OTUD6B: variants seen among roughly 807,000 people sequenced by gnomAD.
OTUD6B encodes the protein deubiquitinase OTUD6B.
In OTUD6B, 41 loss-of-function variants were observed where a neutral mutation model predicts 36.9. The observed-to-expected ratio is 1.11, with a 90% CI of 0.87 to 1.44. The LOEUF is 1.44. Among genes scored for constraint, OTUD6B ranks in the 40% most tolerant of loss-of-function variants. OTUD6B has a pLI of 0.00. For synonymous variants in OTUD6B, 114 were observed against 114.2 expected (o/e 1.00, Z 0.01); for missense variants, 356 against 344.8 (o/e 1.03, Z -0.26).
intron 4 of OTUD6B, among the ~76,000 whole-genome samples, chr8:91,080,278 A>T (rs1485781700): frequency 6.6e-6 from 1 of 152,128 alleles, no homozygotes; most frequent in Non-Finnish European, 1.5e-5. Flanking sequence ...TTATACAGGA[A>T]CTACATTTTT....
At chr8:91,076,421 G>T in intron 3 of OTUD6B, 1 of 979,248 alleles carries the variant, frequency 1.0e-6, no homozygotes, top group Non-Finnish European at 1.2e-6. Flanking sequence ...AAACTCAATT[G>T]CTTTGTTCTA....
At chr8:91,072,881 A>T (rs1454347651) in intron 2 of OTUD6B, among the ~76,000 whole-genome samples, 1 of 152,226 alleles carries the variant, frequency 6.6e-6, no homozygotes, top group Non-Finnish European at 1.5e-5. Flanking sequence ...TGAACTATTT[A>T]TCTGTTTCAT....
chr8:91,077,257 C>T (rs571121065), intron 3 of OTUD6B, among the ~76,000 whole-genome samples: 2 of 152,070 alleles, frequency 1.3e-5, no homozygotes, highest in African/African-American at 2.4e-5. Context: ...CACATACACA[C>T]ACCCCAAAAT....
At chr8:91,077,546 A>G (rs1169287989) in intron 3 of OTUD6B, among the ~76,000 whole-genome samples, 3 of 151,472 alleles carry the variant, frequency 2.0e-5, no homozygotes, top group Non-Finnish European at 4.4e-5. Context: ...AACCTTCCCT[A>G]TACACCTCCT....
intron 2 of OTUD6B, among the ~76,000 whole-genome samples, chr8:91,073,447 G>A (rs928827355): frequency 2.6e-5 from 4 of 152,176 alleles, no homozygotes; most frequent in African/African-American, 9.7e-5. Flanking sequence ...AAAGGCCTCT[G>A]CTGCCAGTAG....
chr8:91,080,236 G>A (rs934514129), intron 4 of OTUD6B, among the ~76,000 whole-genome samples: 3 of 152,024 alleles, frequency 2.0e-5, no homozygotes, highest in African/African-American at 4.8e-5. Context: ...AATTCTCTTC[G>A]TATATTTCCC....
intron 6 of OTUD6B, 111 bp from the exon 7 acceptor site, chr8:91,084,673 G>A (rs1055042165): frequency 4.4e-6 from 5 of 1,143,724 alleles, no homozygotes; most frequent in Non-Finnish European, 5.6e-6. Context: ...TGAAACCCAT[G>A]TGGACTGAGT....
intron 2 of OTUD6B, 35 bp downstream of exon 2, chr8:91,071,324 A>G (rs778553537): frequency 1.3e-6 from 2 of 1,525,248 alleles, no homozygotes; most frequent in Non-Finnish European, 1.8e-6. Flanking sequence ...TGCCTACACC[A>G]TTTGAAAACA....
chr8:91,076,989 A>G (rs1260090329), intron 3 of OTUD6B, among the ~76,000 whole-genome samples: 2 of 152,096 alleles, frequency 1.3e-5, no homozygotes, highest in East Asian at 1.9e-4. Flanking sequence ...GTACAGGTAC[A>G]TGACAATAAG....
intron 1 of OTUD6B, 119 bp from the exon 2 acceptor site, chr8:91,071,019 C>G: frequency 1.4e-6 from 2 of 1,467,864 alleles, no homozygotes; most frequent in Non-Finnish European, 1.8e-6. Context: ...CGTGATGACT[C>G]TTTCTTCCAT....
intron 3 of OTUD6B, among the ~76,000 whole-genome samples, chr8:91,077,635 T>G (rs1344523004): frequency 1.3e-5 from 2 of 152,008 alleles, no homozygotes; most frequent in Non-Finnish European, 2.9e-5. Flanking sequence ...GAGGAGCTTA[T>G]CAGACATTTG....
At chr8:91,072,140 G>A (rs1000181339) in intron 2 of OTUD6B, among the ~76,000 whole-genome samples, 4 of 152,050 alleles carry the variant, frequency 2.6e-5, no homozygotes, top group African/African-American at 4.8e-5. Flanking sequence ...TTTATCGTTG[G>A]ATCTAATATA....
At chr8:91,077,782 G>T (rs571995178) in intron 3 of OTUD6B, among the ~76,000 whole-genome samples, 2 of 152,122 alleles carry the variant, frequency 1.3e-5, no homozygotes, top group South Asian at 4.1e-4. Flanking sequence ...AACCTCTAGA[G>T]CAAGCACTGG....
At position 91,073,863 on chromosome 8, in the gene OTUD6B, G is replaced by C; in HGVS notation, c.267G>C (p.Leu89Phe). Reference protein sequence around the residue: ...IDSVAVNISNLVLENQPPRIS... With the variant: ...IDSVAVNISNFVLENQPPRIS... ...CTGTTGCTGTTAACATTTCAAACTT[G>C]GTGCTTGAGAATCAGCCACCTCGGA... The change falls in exon 3 of 7, where the codon TTG (leucine) becomes TTC (phenylalanine). Residue 89 changes from leucine to phenylalanine, a missense_variant. By Grantham distance (22) the Leu-to-Phe change is conservative (BLOSUM62 0). Transcript: ENST00000404789. 6.3e-7 allele frequency: 1 copy of C among 1,593,022 alleles called. No homozygotes were observed. Among genetic ancestry groups the C allele is most frequent in the East Asian group, 2.3e-5 (1 of 44,336 alleles).
intron 3 of OTUD6B, 118 bp downstream of exon 3, chr8:91,074,029 T>A: frequency 1.7e-6 from 1 of 597,758 alleles, no homozygotes; most frequent in Non-Finnish European, 2.9e-6. Flanking sequence ...CAGTTCCTTG[T>A]CTAGGCACTT....
In OTUD6B at chr8:91,084,803, G is replaced by A. The variant is rs1182095737; in HGVS notation, c.817G>A (p.Gly273Ser). The part of the protein sequence containing the change: ...LILVYMRHAY[G>S]LGEHYNSVTR... ...TTTCAGATATATGAGACATGCATAT[G>A]GCTTAGGAGAACATTATAATTCGGT... is the stretch of plus-strand genomic sequence containing the variant. Residue 273 changes from glycine (G) to serine (S), a missense_variant, in exon 7 of 7, where the codon GGC becomes AGC. Gly to Ser is a moderately conservative substitution (Grantham distance 56). Transcript: ENST00000404789. 1 of 1,572,612 alleles carries A rather than the reference G, an allele frequency of 6.4e-7. No individual in the cohort carries two copies. Among genetic ancestry groups the A allele is most frequent in the Non-Finnish European group, 8.6e-7 (1 of 1,156,428 alleles).
chr8:91,075,517 C>G (rs575216689), intron 3 of OTUD6B, among the ~76,000 whole-genome samples: 1 of 152,130 alleles, frequency 6.6e-6, no homozygotes, highest in South Asian at 2.1e-4. Context: ...ACAAACAAAA[C>G]GAAAACTCCC....
chr8:91,076,809 T>C (rs1488785925), intron 3 of OTUD6B: 15 of 702,102 alleles, frequency 2.1e-5, no homozygotes, highest in Non-Finnish European at 3.1e-5. Context: ...TTTTAAGATA[T>C]TATGCCTCTG....
chr8:91,071,279 A>G lies in OTUD6B; in HGVS notation c.224A>G (p.Lys75Arg), dbSNP rs1812692497. 2 of 1,611,188 alleles carry G rather than the reference A, an allele frequency of 1.2e-6. No individual in the cohort carries two copies. Among genetic ancestry groups the G allele is most frequent in the Non-Finnish European group, 1.7e-6 (2 of 1,178,974 alleles). Residue 75 changes from lysine to arginine, a missense_variant, in exon 2 of 7, where the codon AAG (lysine) becomes AGG (arginine). By Grantham distance (26) the Lys-to-Arg change is conservative. Coordinates refer to ENST00000404789, the MANE Select transcript of OTUD6B (RefSeq NM_016023.5). ...EELEQLKLTT[K>R]ENKIDSVAVN... ...CTGGAGCAATTGAAGCTGACTACTA[A>G]GGAGAATAAGGTATGTGAAATAAAT...
Sources: allele counts gnomAD v4.1 joint callset (sites outside exome capture counted in the v4.1 genomes callset), GRCh38; gene constraint gnomAD v4.1.1; transcripts MANE v1.5; gene names NCBI Gene and HGNC (gene_info 2026-07-23, HGNC 2026-07-21).